Variants in EIF3J observed in about 807,000 individuals in gnomAD.
EIF3J encodes the protein eukaryotic translation initiation factor 3 subunit J, also known as eukaryotic translation initiation factor 3, subunit 1 (alpha, 35kD).
In EIF3J, 15 loss-of-function variants were observed where a neutral mutation model predicts 39.0. The observed-to-expected ratio is 0.38, with a 90% CI of 0.26 to 0.59. EIF3J has a LOEUF of 0.59. Among genes scored for constraint, EIF3J ranks in the 20% least tolerant of loss-of-function variants. The pLI, the probability that EIF3J is intolerant of heterozygous loss-of-function variation, is 0.60. For synonymous variants in EIF3J, 98 were observed against 112.9 expected, an observed-to-expected ratio of 0.87 and a Z score of 0.84; for missense variants, 226 against 308.6, an observed-to-expected ratio of 0.73 and a Z score of 2.00.
rs1021992558 is a variant in EIF3J, at chr15:44,537,497, CGGGTCGCTGCCGGGGCCTGCGGGCCGT to C, written c.147+76_147+102del. The C allele has an allele frequency of 2.2e-5, 31 of 1,409,698 alleles. No homozygotes were observed. The East Asian group carries it at 2.8e-4, about 13-fold the overall frequency. The allele number at this position is 1,409,698 out of a possible 1,614,324, so 87.3% of individuals were successfully genotyped here. On this transcript the variant is annotated intron_variant, in intron 2 of 7. Coordinates refer to ENST00000261868, the MANE Select transcript of EIF3J (RefSeq NM_003758.4). ...GCTGTTGCCGGCCGACTCTGGGCCC[CGGGTCGCTGCCGGGGCCTGCGGGCCGT>C]GGGTCCAGGCGCGAGCATAGGGCCT... is the stretch of plus-strand genomic sequence containing the variant.
Position 44,557,651 on chromosome 15 carries a change from G to C in EIF3J, c.571+1G>C. 6.8e-7 allele frequency: 1 copy of C among 1,464,138 alleles called. No individual in the cohort carries two copies. The highest frequency in any genetic ancestry group is 9.1e-7 in the Non-Finnish European group (1 of 1,103,628). The allele number at this position is 1,464,138 out of a possible 1,614,324, so 90.7% of individuals were successfully genotyped here. ...TTAGTTCGAGATGTGTGTATTTCAT[G>C]TAAGTAATTCTAATTTCTAGCCCCT... On this transcript the variant is annotated splice_donor_variant, in intron 6 of 7. Transcript: ENST00000261868. LOFTEE classifies it high-confidence loss of function.
In EIF3J at chr15:44,554,536, C is replaced by G. The variant is rs2082129005; in HGVS notation, c.295-17C>G. On this transcript the variant is annotated splice_polypyrimidine_tract_variant and intron_variant, in intron 4 of 7. Coordinates refer to ENST00000261868, the MANE Select transcript of EIF3J (RefSeq NM_003758.4). Reference sequence around the variant, plus strand: ...TCATAATCCCTGTGCTTTTTAAAAACTTTTGTCTCATTTTAGTTAGAAGAA... The same window carrying G: ...TCATAATCCCTGTGCTTTTTAAAAAGTTTTGTCTCATTTTAGTTAGAAGAA... 1 of 1,572,376 alleles carries G rather than the reference C, an allele frequency of 6.4e-7. No individual in the cohort carries two copies. The highest frequency in any genetic ancestry group is 1.2e-5 in the South Asian group (1 of 86,724).
At chr15:44,552,861 A>G (rs948399426) in intron 4 of EIF3J, among the ~76,000 whole-genome samples, 10 of 152,038 alleles carry the variant, frequency 6.6e-5, no homozygotes, top group Non-Finnish European at 1.0e-4. Context: ...TGCCTGGCCT[A>G]TTTTCTATTT....
rs1247749530 is a variant in EIF3J at position 44,561,391 on chromosome 15, ATGT to A, written c.*246_*248del. The A allele has an allele frequency of 2.2e-5, 7 of 314,800 alleles. No homozygotes were observed. In the Admixed American group the frequency reaches 2.2e-4, roughly 10 times the overall value. The allele number at this position is 314,800 out of a possible 1,614,324, so 19.5% of individuals were successfully genotyped here. ...CTAAATCATAGTTCAAAACCTAATA[ATGT>A]TGTCGTTGTTGCTATCTGATTTCAT... On this transcript the variant is annotated 3_prime_UTR_variant, in exon 8 of 8. Transcript: ENST00000261868.
rs1175990070 is a variant in EIF3J, at chr15:44,562,651, G to A, written c.*1502G>A. 1 of 156,806 alleles carries A rather than the reference G, an allele frequency of 6.4e-6. No homozygotes were observed. The highest frequency in any genetic ancestry group is 1.4e-5 in the Non-Finnish European group (1 of 70,628). The allele number at this position is 156,806 out of a possible 1,614,324, so 9.7% of individuals were successfully genotyped here. Reference sequence around the variant, plus strand: ...TAAATTAAATAAAGATTCCTTTAAGGCAGACAAGGGCTAAGATTTCCTTAG... The same window carrying A: ...TAAATTAAATAAAGATTCCTTTAAGACAGACAAGGGCTAAGATTTCCTTAG... On this transcript the variant is annotated 3_prime_UTR_variant, in exon 8 of 8. Transcript: ENST00000261868.
At chr15:44,537,572 C>A in intron 2 of EIF3J, 145 bp downstream of exon 2, 1 of 858,166 alleles carries the variant, frequency 1.2e-6, no homozygotes, top group Non-Finnish European at 1.6e-6. Flanking sequence ...TTCCCCTCCG[C>A]TTGCCGGCCA....
rs1308344803 is a variant in EIF3J at position 44,562,159 on chromosome 15, C to T, written c.*1010C>T. 6.6e-6 allele frequency: 1 copy of T among 152,620 alleles called. No homozygotes were observed. Among genetic ancestry groups the T allele is most frequent in the South Asian group, 2.1e-4 (1 of 4,832 alleles). 9.5% of individuals were successfully genotyped at this position (152,620 alleles called of 1,614,324 possible). A position where few individuals can be genotyped will look rare whatever the true frequency, so the allele number is the denominator to read the frequency against. On this transcript the variant is annotated 3_prime_UTR_variant, in exon 8 of 8. Coordinates refer to ENST00000261868, the MANE Select transcript of EIF3J (RefSeq NM_003758.4). ...CAGCTCTTGGGAGTACAGTTCTCTACGTTCTCTACTAAATCTTAATAAATG... is the reference window on the plus strand; with the variant it reads ...CAGCTCTTGGGAGTACAGTTCTCTATGTTCTCTACTAAATCTTAATAAATG...
intron 6 of EIF3J, 172 bp downstream of exon 6, chr15:44,557,822 C>A: frequency 2.4e-6 from 1 of 421,946 alleles, no homozygotes; most frequent in Non-Finnish European, 3.9e-6. Context: ...AATTTGAGTG[C>A]TGGATCTTTT....
intron 2 of EIF3J, among the ~76,000 whole-genome samples, chr15:44,547,514 A>G (rs1263161346): frequency 1.4e-5 from 2 of 148,130 alleles, no homozygotes; most frequent in African/African-American, 5.1e-5. Context: ...CAGTGGCACA[A>G]TCTTGGCTCA....
rs181271745 is a variant in EIF3J, at chr15:44,559,631, C to T, written c.572-618C>T. Among the ~76,000 whole-genome samples, 28 of 151,180 alleles carry T rather than the reference C, an allele frequency of 1.9e-4. No individual in the cohort carries two copies. In the East Asian group the frequency reaches 3.7e-3, roughly 20 times the overall value. On this transcript the variant is annotated intron_variant, in intron 6 of 7. Transcript: ENST00000261868. The stretch of plus-strand genomic sequence containing the variant: ...CTGAGGCAGGAAAATGGTGTGAACC[C>T]GGGAGGCGCAGGTTGCAGTGAGCCG...
intron 5 of EIF3J, among the ~76,000 whole-genome samples, chr15:44,555,764 C>T (rs1453058506): frequency 1.3e-5 from 2 of 152,184 alleles, no homozygotes; most frequent in African/African-American, 2.4e-5. Flanking sequence ...TGTTGTGTTT[C>T]TCATACTAAA....
At chr15:44,554,975 G>A (rs2082132642) in intron 5 of EIF3J, among the ~76,000 whole-genome samples, 1 of 152,214 alleles carries the variant, frequency 6.6e-6, no homozygotes, top group Non-Finnish European at 1.5e-5. Flanking sequence ...TGCATGAAAT[G>A]TGAGGTCTGT....
At chr15:44,546,176 A>G (rs1204275326) in intron 2 of EIF3J, among the ~76,000 whole-genome samples, 4 of 152,190 alleles carry the variant, frequency 2.6e-5, no homozygotes, top group Admixed American at 2.6e-4. Context: ...GCACTTAGCA[A>G]ACTAACGGCG....
At position 44,557,569 on chromosome 15, in the gene EIF3J, A is replaced by G. The variant is rs138708492; in HGVS notation, c.490A>G (p.Lys164Glu). The change falls in exon 6 of 8, where the codon AAA becomes GAA. Residue 164 changes from lysine to glutamate, a missense_variant. This residue lies in a region of EIF3J where 83 missense variants were observed against 152.6 expected (regional missense o/e 0.54). Coordinates refer to ENST00000261868, the MANE Select transcript of EIF3J (RefSeq NM_003758.4). ...DDFTEFGKLL[K>E]DKITQYEKSL... ...CTTTACAGAGTTTGGAAAGTTACTA[A>G]AAGATAAAATTACACAATATGAAAA... The G allele has an allele frequency of 1.3e-6, 2 of 1,554,632 alleles. No individual in the cohort carries two copies. Among genetic ancestry groups the G allele is most frequent in the Non-Finnish European group, 1.7e-6 (2 of 1,152,692 alleles).
intron 2 of EIF3J, among the ~76,000 whole-genome samples, chr15:44,538,847 C>T (rs1274596095): frequency 6.6e-6 from 1 of 151,976 alleles, no homozygotes; most frequent in African/African-American, 2.4e-5. Flanking sequence ...TAGGAAGTGG[C>T]AGTTAAGACA....
At position 44,551,414 on chromosome 15, in the gene EIF3J, CT is replaced by C. The variant is rs201258329; in HGVS notation, c.203-9del. 29 of 1,510,594 alleles carry C rather than the reference CT, an allele frequency of 1.9e-5. No homozygotes were observed. The highest frequency in any genetic ancestry group is 2.0e-5 in the Admixed American group (1 of 49,050). 93.6% of individuals were successfully genotyped at this position (1,510,594 alleles called of 1,614,324 possible). On this transcript the variant is annotated splice_polypyrimidine_tract_variant and intron_variant, in intron 3 of 7. Transcript: ENST00000261868. The stretch of plus-strand genomic sequence containing the variant: ...AAATACTCAGTATAACTGAATAAAA[CT>C]TTTTTTTACTTTTAGAGGTAAAAAT...
At chr15:44,553,300 G>A (rs1267763364) in intron 4 of EIF3J, among the ~76,000 whole-genome samples, 1 of 151,952 alleles carries the variant, frequency 6.6e-6, no homozygotes, top group African/African-American at 2.4e-5. Context: ...AGACCATCCT[G>A]GCTAACACGG....
At chr15:44,537,579 G>T in intron 2 of EIF3J, 152 bp downstream of exon 2, 2 of 815,446 alleles carry the variant, frequency 2.5e-6, no homozygotes, top group Non-Finnish European at 3.5e-6. Context: ...CCGCTTGCCG[G>T]CCATGTGTGG....
chr15:44,556,671 G>C (rs941324576), intron 5 of EIF3J, among the ~76,000 whole-genome samples: 1 of 151,988 alleles, frequency 6.6e-6, no homozygotes, highest in African/African-American at 2.4e-5. Flanking sequence ...CACCATGCCT[G>C]GCTAATTTTT....
Sources: allele counts gnomAD v4.1 joint callset (sites outside exome capture counted in the v4.1 genomes callset), GRCh38; gene constraint gnomAD v4.1.1; regional missense constraint gnomAD v4.1.1; transcripts MANE v1.5; gene names NCBI Gene and HGNC (gene_info 2026-07-23, HGNC 2026-07-21).